Variants in COL11A1 observed in about 807,000 individuals in gnomAD.
COL11A1 encodes the protein collagen type XI alpha 1 chain.
Under a neutral mutation model 265.2 loss-of-function variants are expected in COL11A1, and 74 were observed. That is an observed-to-expected ratio of 0.28 (90% CI 0.23 to 0.34). The LOEUF (loss-of-function observed/expected upper bound fraction) is 0.34. Ranked by LOEUF, COL11A1 falls within the 10% of genes least tolerant of loss-of-function variation. The pLI, the probability that COL11A1 is intolerant of heterozygous loss-of-function variation, is 1.00. For synonymous variants in COL11A1, 816 were observed against 727.6 expected (o/e 1.12, Z -1.96); for missense variants, 2,165 against 2,263.6 (o/e 0.96, Z 0.88).
At chr1:102,948,101 A>C (rs1659508966) in intron 41 of COL11A1, among the ~76,000 whole-genome samples, 1 of 151,980 alleles carries the variant, frequency 6.6e-6, no homozygotes. Flanking sequence ...TTATTATACA[A>C]ATTTACATTA....
chr1:103,073,690 C>A (rs895799500), intron 4 of COL11A1, among the ~76,000 whole-genome samples: 1 of 151,798 alleles, frequency 6.6e-6, no homozygotes, highest in African/African-American at 2.4e-5. Flanking sequence ...AATAAAACTA[C>A]ACTGTAGGAT....
At chr1:102,949,450 G>C (rs2622860) in intron 41 of COL11A1, among the ~76,000 whole-genome samples, 1 of 150,164 alleles carries the variant, frequency 6.7e-6, no homozygotes, top group Non-Finnish European at 1.5e-5. Context: ...AACCCTAACT[G>C]TTCAAAGAAT....
intron 1 of COL11A1, among the ~76,000 whole-genome samples, chr1:103,086,460 A>C (rs1196770058): frequency 6.6e-6 from 1 of 152,204 alleles, no homozygotes; most frequent in African/African-American, 2.4e-5. Flanking sequence ...TCTGTTGCCC[A>C]GGCTGGAGTG....
At chr1:102,982,007 A>C (rs995297725) in intron 31 of COL11A1, among the ~76,000 whole-genome samples, 1 of 151,982 alleles carries the variant, frequency 6.6e-6, no homozygotes, top group Non-Finnish European at 1.5e-5. Flanking sequence ...GCTTACACAT[A>C]GGAAAAAATA....
intron 14 of COL11A1, among the ~76,000 whole-genome samples, chr1:103,010,025 A>C (rs1665967223): frequency 1.3e-5 from 2 of 152,302 alleles, no homozygotes; most frequent in African/African-American, 4.8e-5. Flanking sequence ...TACTCAACAG[A>C]TTATAATTCT....
chr1:102,902,291 G>T (rs1653310011), intron 54 of COL11A1, among the ~76,000 whole-genome samples: 1 of 151,958 alleles, frequency 6.6e-6, no homozygotes, highest in Non-Finnish European at 1.5e-5. Flanking sequence ...GAGTTAGGGA[G>T]GAAAAAAGAG....
At chr1:103,049,144 T>G (rs1298344041) in intron 4 of COL11A1, among the ~76,000 whole-genome samples, 2 of 152,220 alleles carry the variant, frequency 1.3e-5, no homozygotes, top group African/African-American at 2.4e-5. Context: ...GTTCAATTCC[T>G]GGGTATCCTT....
At chr1:102,975,631 G>A (rs1007951263) in intron 35 of COL11A1, among the ~76,000 whole-genome samples, 1 of 151,834 alleles carries the variant, frequency 6.6e-6, no homozygotes, top group African/African-American at 2.4e-5. Context: ...CTCCATTGTT[G>A]GCAGAAAAAG....
At chr1:102,982,876 G>A (rs948318449) in intron 31 of COL11A1, among the ~76,000 whole-genome samples, 5 of 151,966 alleles carry the variant, frequency 3.3e-5, no homozygotes, top group African/African-American at 4.8e-5. Flanking sequence ...ATAGACACAC[G>A]TTTAAGAATG....
intron 4 of COL11A1, among the ~76,000 whole-genome samples, chr1:103,070,816 A>G (rs998505329): frequency 6.6e-6 from 1 of 151,978 alleles, no homozygotes; most frequent in African/African-American, 2.4e-5. Context: ...ACATTGTTCT[A>G]TAGGAAAACC....
In COL11A1 at chr1:102,978,402, G is replaced by A. The variant is rs530273196; in HGVS notation, c.2754+306C>T. ...GGAAAGCAAGCTGATTGGAGAAGAG[G>A]GCAAAGATGTTTCAAGTGTATTTAA... On this transcript the variant is annotated intron_variant, in intron 35 of 66. Transcript: ENST00000370096. Among the ~76,000 whole-genome samples, 8 of 152,100 alleles carry A rather than the reference G, an allele frequency of 5.3e-5. No homozygotes were observed. The East Asian group carries it at 1.4e-3, about 26-fold the overall frequency.
At chr1:102,981,997 G>T (rs79340337) in intron 31 of COL11A1, among the ~76,000 whole-genome samples, 2,153 of 151,872 alleles carry the variant, frequency 0.014, 61 homozygotes, top group African/African-American at 0.05. Flanking sequence ...AAATTCATCA[G>T]CTTACACATA....
chr1:103,015,719 T>C lies in COL11A1; in HGVS notation c.1437A>G (p.Leu479=). Residue 479 remains leucine (L), a synonymous_variant, in exon 12 of 67, where the codon TTA becomes TTG. Transcript: ENST00000370096. ...GACCAGGTAGACCATCAGCCCCTGG[T>C]AAGCCAGGACGTCCTGGGGGGCCCT... is the stretch of plus-strand genomic sequence containing the variant. The part of the protein sequence containing the change: ...GDRGPPGRPG[L]PGADGLPGPP... 1 of 1,608,266 alleles carries C rather than the reference T, an allele frequency of 6.2e-7. No individual in the cohort carries two copies. The highest frequency in any genetic ancestry group is 1.1e-5 in the South Asian group (1 of 90,252).
intron 53 of COL11A1, 98 bp from the exon 54 acceptor site, chr1:102,912,310 AT>A: frequency 1.1e-6 from 1 of 870,614 alleles, no homozygotes; most frequent in East Asian, 2.7e-5. Flanking sequence ...CTCTTTCTTC[AT>A]TTCCACATGT....
At chr1:103,006,040 T>C in intron 17 of COL11A1, 28 bp downstream of exon 17, 1 of 1,613,278 alleles carries the variant, frequency 6.2e-7, no homozygotes. Context: ...ACACAGGATG[T>C]GAATATAAAA....
intron 1 of COL11A1, among the ~76,000 whole-genome samples, chr1:103,092,518 A>G (rs116214435): frequency 2.4e-3 from 369 of 152,260 alleles, no homozygotes; most frequent in African/African-American, 8.6e-3. Flanking sequence ...CATAGTGGAG[A>G]GAAATGTAAA....
intron 46 of COL11A1, among the ~76,000 whole-genome samples, chr1:102,932,188 C>T (rs1372728653): frequency 2.6e-5 from 4 of 151,920 alleles, no homozygotes; most frequent in Non-Finnish European, 4.4e-5. Context: ...TTCCTAGTCT[C>T]GATGGTCTTT....
rs886044320 is a variant in COL11A1 at position 102,997,096 on chromosome 1, C to A, written c.2225G>T (p.Gly742Val). The A allele has an allele frequency of 6.2e-7, 1 of 1,611,920 alleles. No homozygotes were observed. Among genetic ancestry groups the A allele is most frequent in the South Asian group, 1.1e-5 (1 of 91,048 alleles). The change falls in exon 26 of 67, where the codon GGA becomes GTA. Residue 742 changes from glycine to valine, a missense_variant. Coordinates refer to ENST00000370096, the MANE Select transcript of COL11A1 (RefSeq NM_001854.4). ...PGHPGKEGQS[G>V]EKGALGPPGP... ...GGAACCTACCAGAGCCCCCTTTTCT[C>A]CAGACTGGCCTTCTTTCCCAGGATG...
At chr1:102,980,197 A>T (rs1662907958) in intron 31 of COL11A1, among the ~76,000 whole-genome samples, 1 of 152,024 alleles carries the variant, frequency 6.6e-6, no homozygotes, top group African/African-American at 2.4e-5. Context: ...TGTGGGACTG[A>T]AAAAAAGAAT....
Sources: allele counts gnomAD v4.1 joint callset (sites outside exome capture counted in the v4.1 genomes callset), GRCh38; gene constraint gnomAD v4.1.1; transcripts MANE v1.5; gene names NCBI Gene and HGNC (gene_info 2026-07-23, HGNC 2026-07-21).